Variants in NR4A3 observed in about 807,000 individuals in gnomAD.
NR4A3 encodes chondrosarcoma, extraskeletal myxoid, fused to EWS.
A neutral mutation model predicts 55.6 loss-of-function variants in NR4A3; 13 were observed. The observed-to-expected ratio is 0.23, with a 90% confidence interval of 0.15 to 0.37. NR4A3 has a LOEUF of 0.37. Among genes scored for constraint, NR4A3 ranks in the 10% least tolerant of loss-of-function variants. The pLI is 1.00. For missense variants in NR4A3, 646 were observed against 822.8 expected, an observed-to-expected ratio of 0.79 and a Z score of 2.63; for synonymous variants, 342 against 357.9, an observed-to-expected ratio of 0.96 and a Z score of 0.50.
chr9:99,850,694 T>G (rs1029283639), intron 7 of NR4A3, among the ~76,000 whole-genome samples: 1 of 152,162 alleles, frequency 6.6e-6, no homozygotes, highest in Admixed American at 6.5e-5. Context: ...GGGAACACAT[T>G]TCAGTTCTCT....
chr9:99,847,855 C>T (rs373442654), intron 7 of NR4A3, among the ~76,000 whole-genome samples: 220 of 152,314 alleles, frequency 1.4e-3, no homozygotes, highest in African/African-American at 4.6e-3. Context: ...GCCCAATATA[C>T]GAAAATCTAA....
intron 7 of NR4A3, among the ~76,000 whole-genome samples, chr9:99,859,673 T>C (rs1827979039): frequency 2.0e-5 from 3 of 152,156 alleles, no homozygotes; most frequent in Admixed American, 2.0e-4. Context: ...TCGCAACTGG[T>C]TGGAGAGCAG....
chr9:99,833,144 C>T, intron 4 of NR4A3, 138 bp from the exon 5 acceptor site: 2 of 1,155,192 alleles, frequency 1.7e-6, no homozygotes, highest in South Asian at 1.8e-5. Flanking sequence ...AATATTATTC[C>T]AAACTTATTA....
At chr9:99,843,152 C>T (rs2118576684) in intron 5 of NR4A3, among the ~76,000 whole-genome samples, 1 of 152,296 alleles carries the variant, frequency 6.6e-6, no homozygotes, top group Middle Eastern at 3.4e-3. Context: ...TGGGTGAAAA[C>T]TTTATTCCTA....
chr9:99,832,137 A>C (rs539175215), intron 3 of NR4A3, among the ~76,000 whole-genome samples: 1 of 152,190 alleles, frequency 6.6e-6, no homozygotes, highest in South Asian at 2.1e-4. Context: ...AAAATAAGCT[A>C]TACAGGCTGA....
chr9:99,832,607 C>A (rs1827465995), intron 3 of NR4A3, 82 bp from the exon 4 acceptor site: 13 of 1,201,432 alleles, frequency 1.1e-5, no homozygotes, highest in Non-Finnish European at 1.5e-5. Flanking sequence ...TCGCTTTTCA[C>A]ATTGTAATTA....
intron 7 of NR4A3, among the ~76,000 whole-genome samples, chr9:99,862,782 T>C (rs1331072186): frequency 6.6e-6 from 1 of 152,096 alleles, no homozygotes; most frequent in African/African-American, 2.4e-5. Flanking sequence ...ATCATAGTAT[T>C]TAACATGGAG....
At position 99,866,087 on chromosome 9, in the gene NR4A3, A is replaced by G. The variant is rs2118196634; in HGVS notation, c.*2220A>G. 1 of 213,816 alleles carries G rather than the reference A, an allele frequency of 4.7e-6. No individual in the cohort carries two copies. Among genetic ancestry groups the G allele is most frequent in the South Asian group, 1.9e-4 (1 of 5,362 alleles). 13.2% of individuals were successfully genotyped at this position (213,816 alleles called of 1,614,324 possible). Reference sequence around the variant, plus strand: ...CTTTTAAACATAACCACTAATATTTACCTGAAGATAACCATGAGTAAAGTA... The same window carrying G: ...CTTTTAAACATAACCACTAATATTTGCCTGAAGATAACCATGAGTAAAGTA... On this transcript the variant is annotated 3_prime_UTR_variant, in exon 8 of 8. Transcript: ENST00000395097.
In NR4A3 at chr9:99,828,335, A is replaced by G. The variant is rs767006708; in HGVS notation, c.293A>G (p.His98Arg). The change falls in exon 3 of 8, where the codon CAC becomes CGC. Residue 98 changes from histidine (H) to arginine (R), a missense_variant. Transcript: ENST00000395097. The surrounding 1 kb of genome is among the most constrained non-coding windows in gnomAD (Gnocchi z 7.7). Reference sequence around the variant, plus strand: ...CGGGCGCCCAGCTACCATCACCATCACCACCACCACCACCACCACCACCAC... The same window carrying G: ...CGGGCGCCCAGCTACCATCACCATCGCCACCACCACCACCACCACCACCAC... ...EGRAPSYHHH[H>R]HHHHHHHHHH... The G allele has an allele frequency of 1.9e-6, 3 of 1,555,742 alleles. No individual in the cohort carries two copies. In the East Asian group the frequency reaches 6.9e-5, roughly 36 times the overall value.
rs2118187576 is a variant in NR4A3 at position 99,863,798 on chromosome 9, G to A, written c.1812G>A (p.Leu604=). 6.2e-7 allele frequency: 1 copy of A among 1,613,874 alleles called. No individual in the cohort carries two copies. Among genetic ancestry groups the A allele is most frequent in the Middle Eastern group, 1.7e-4 (1 of 6,058 alleles). ...TGGGCCTCCAGCGCATCTTCTACCT[G>A]AAGCTGGAAGACTTGGTGTCTCCAC... ...CTLGLQRIFY[L]KLEDLVSPPS... is the part of the protein sequence containing the mutation. Residue 604 remains leucine, a synonymous_variant, in exon 8 of 8, where the codon CTG becomes CTA. Coordinates refer to ENST00000395097, the MANE Select transcript of NR4A3 (RefSeq NM_006981.4).
chr9:99,829,641 G>A (rs555161721), intron 3 of NR4A3, among the ~76,000 whole-genome samples: 1 of 152,318 alleles, frequency 6.6e-6, no homozygotes, highest in South Asian at 2.1e-4. Flanking sequence ...CAGCTCTGCA[G>A]CTCTAGGAGA....
At chr9:99,856,978 G>A (rs1827937897) in intron 7 of NR4A3, among the ~76,000 whole-genome samples, 1 of 152,174 alleles carries the variant, frequency 6.6e-6, no homozygotes, top group Non-Finnish European at 1.5e-5. Flanking sequence ...CTTTACATGT[G>A]TTATTTTGTT....
intron 3 of NR4A3, among the ~76,000 whole-genome samples, chr9:99,831,771 G>A (rs1167400640): frequency 6.6e-6 from 1 of 152,184 alleles, no homozygotes; most frequent in Non-Finnish European, 1.5e-5. Context: ...TAAAAAGCAA[G>A]CATTTGTTTA....
chr9:99,828,551 G>C lies in NR4A3; in HGVS notation c.509G>C (p.Gly170Ala). 1 of 1,513,184 alleles carries C rather than the reference G, an allele frequency of 6.6e-7. No homozygotes were observed. The highest frequency in any genetic ancestry group is 8.8e-7 in the Non-Finnish European group (1 of 1,136,608). 93.7% of individuals were successfully genotyped at this position (1,513,184 alleles called of 1,614,324 possible). Reference sequence around the variant, plus strand: ...TCGGCGCCCGGCTGCATCGCACCCGGCCCGCTGCTGGACCCGCCGATGAAG... The same window carrying C: ...TCGGCGCCCGGCTGCATCGCACCCGCCCCGCTGCTGGACCCGCCGATGAAG... Reference protein sequence around the residue: ...LPSAPGCIAPGPLLDPPMKAV... With the variant: ...LPSAPGCIAPAPLLDPPMKAV... Residue 170 changes from glycine to alanine, a missense_variant, in exon 3 of 8, where the codon GGC becomes GCC. Coordinates refer to ENST00000395097, the MANE Select transcript of NR4A3 (RefSeq NM_006981.4). The surrounding 1 kb of genome is among the most constrained non-coding windows in gnomAD (Gnocchi z 7.7).
chr9:99,837,839 A>G (rs1827587697), intron 5 of NR4A3, among the ~76,000 whole-genome samples: 1 of 152,182 alleles, frequency 6.6e-6, no homozygotes, highest in Non-Finnish European at 1.5e-5. Flanking sequence ...GTATGTTTTA[A>G]TCTTCATGTA....
intron 3 of NR4A3, among the ~76,000 whole-genome samples, chr9:99,831,751 G>A (rs1407015114): frequency 6.6e-6 from 1 of 152,166 alleles, no homozygotes; most frequent in Non-Finnish European, 1.5e-5. Flanking sequence ...TTGCACAAAT[G>A]TTTTCAATTT....
At chr9:99,852,754 A>C (rs1827871302) in intron 7 of NR4A3, among the ~76,000 whole-genome samples, 1 of 152,080 alleles carries the variant, frequency 6.6e-6, no homozygotes, top group Admixed American at 6.6e-5. Context: ...TAAGACTGAG[A>C]AGGAGGAAGG....
At position 99,860,248 on chromosome 9, in the gene NR4A3, A is replaced by G. The variant is rs145975772; in HGVS notation, c.1634-3372A>G. 2.9e-3 allele frequency among the ~76,000 whole-genome samples: 443 copies of G among 150,396 alleles called. 2 individuals carry two copies. The highest frequency in any genetic ancestry group is 5.3e-3 in the Non-Finnish European group (356 of 67,616). On this transcript the variant is annotated intron_variant, in intron 7 of 7. Coordinates refer to ENST00000395097, the MANE Select transcript of NR4A3 (RefSeq NM_006981.4). ...TTTAATTTTGCTTCATGGCCTTCAC[A>G]TTTGTTCTGTTTGATGTCTTCAGAA...
chr9:99,823,172 G>A (rs1243553910), intron 1 of NR4A3, among the ~76,000 whole-genome samples: 1 of 152,144 alleles, frequency 6.6e-6, no homozygotes, highest in Non-Finnish European at 1.5e-5. Flanking sequence ...CTCGGTGTGG[G>A]AAAGGCATGC....
Sources: gnomAD v4.1 joint callset for allele counts (sites outside exome capture counted in the v4.1 genomes callset) on GRCh38, gnomAD v4.1.1 for gene constraint, Gnocchi (gnomAD v3.1) non-coding constraint, MANE v1.5 for transcripts, NCBI Gene and HGNC (gene_info 2026-07-23, HGNC 2026-07-21) for gene names.